SYK: variants seen among roughly 807,000 people sequenced by gnomAD.
The protein encoded by SYK is tyrosine-protein kinase SYK.
Under a neutral mutation model 77.8 loss-of-function variants are expected in SYK, and 16 were observed. The ratio of observed to expected loss-of-function variants is 0.21; its 90% CI spans 0.14 to 0.31. The LOEUF is 0.31. Among genes scored for constraint, SYK ranks in the 10% least tolerant of loss-of-function variants. The pLI is 1.00. For synonymous variants in SYK, 312 were observed against 308.7 expected, an observed-to-expected ratio of 1.01 and a Z score of -0.11; for missense variants, 529 against 814.4, an observed-to-expected ratio of 0.65 and a Z score of 4.26.
In SYK at chr9:90,859,579, A is replaced by G. The variant is rs560479567; in HGVS notation, c.579-2627A>G. On this transcript the variant is annotated intron_variant, in intron 3 of 13. Coordinates refer to ENST00000375754, the MANE Select transcript of SYK (RefSeq NM_003177.7). ...GCTGCTATAAGTAGCCTTGGGGTGC[A>G]TAGTGCACACATTTCATACACCTAG... Among the ~76,000 whole-genome samples the G allele has an allele frequency of 1.8e-4, 27 of 152,370 alleles. 1 individual carries two copies. The highest frequency in any genetic ancestry group is 6.0e-4 in the African/African-American group (25 of 41,594).
chr9:90,812,786 A>T (rs62559061), intron 1 of SYK, among the ~76,000 whole-genome samples: 109,062 of 141,554 alleles, frequency 0.77, 40,999 homozygotes, highest in East Asian at 0.96. Context: ...TGTGAGAGAG[A>T]GAGATTGAGA....
intron 1 of SYK, among the ~76,000 whole-genome samples, chr9:90,812,739 A>ATATGAGTGTGTGTG (rs1554704328): frequency 2.1e-5 from 2 of 94,086 alleles, no homozygotes; most frequent in African/African-American, 1.0e-4. Flanking sequence ...TCCCCATTTG[A>ATATGAGTGTGTGTG]TATGTGTGTG....
intron 3 of SYK, among the ~76,000 whole-genome samples, chr9:90,856,572 T>A (rs999874118): frequency 3.3e-5 from 5 of 150,266 alleles, no homozygotes; most frequent in Admixed American, 6.7e-5. Context: ...TTACATTTTT[T>A]AGAAAATTTC....
chr9:90,876,278 A>G (rs1394097360), intron 9 of SYK, among the ~76,000 whole-genome samples: 1 of 145,812 alleles, frequency 6.9e-6, no homozygotes, highest in Non-Finnish European at 1.5e-5. Flanking sequence ...CAAGAGTGAA[A>G]CTCTGCCTCA....
chr9:90,856,004 G>A (rs1198226285), intron 3 of SYK, among the ~76,000 whole-genome samples: 1 of 152,186 alleles, frequency 6.6e-6, no homozygotes, highest in Non-Finnish European at 1.5e-5. Context: ...CCTGCAAAAT[G>A]CCCAAATACT....
chr9:90,844,592 G>A (rs1391134703), intron 2 of SYK, among the ~76,000 whole-genome samples: 2 of 152,252 alleles, frequency 1.3e-5, no homozygotes, highest in East Asian at 1.9e-4. Context: ...GGCCTTTTCA[G>A]AGAGGCATTG....
chr9:90,830,221 G>A (rs1825829727), intron 1 of SYK, among the ~76,000 whole-genome samples: 1 of 152,240 alleles, frequency 6.6e-6, no homozygotes, highest in Non-Finnish European at 1.5e-5. Flanking sequence ...CAGGCACCCT[G>A]TGCAGTGTGA....
At chr9:90,867,246 A>G (rs1827535676) in intron 7 of SYK, 47 bp downstream of exon 7, 7 of 1,589,694 alleles carry the variant, frequency 4.4e-6, no homozygotes, top group Non-Finnish European at 6.0e-6. Flanking sequence ...GGTAGGACCA[A>G]CGCGCACTCA....
At chr9:90,847,918 G>A (rs72729045) in intron 3 of SYK, among the ~76,000 whole-genome samples, 3,802 of 152,320 alleles carry the variant, frequency 0.025, 164 homozygotes, top group East Asian at 0.22. Flanking sequence ...TTTTAACAGA[G>A]AAAGTGTGAG....
At chr9:90,856,102 A>G (rs1342026984) in intron 3 of SYK, among the ~76,000 whole-genome samples, 1 of 152,234 alleles carries the variant, frequency 6.6e-6, no homozygotes, top group Non-Finnish European at 1.5e-5. Flanking sequence ...AATTCAGGCC[A>G]TGAGTCAGAC....
chr9:90,873,967 C>A (rs890910822), intron 7 of SYK, among the ~76,000 whole-genome samples: 2 of 152,172 alleles, frequency 1.3e-5, no homozygotes, highest in East Asian at 3.8e-4. Context: ...CCTCTGAACA[C>A]CTCACAGAGT....
chr9:90,892,528 C>T (rs981380493), intron 13 of SYK, among the ~76,000 whole-genome samples: 1 of 152,176 alleles, frequency 6.6e-6, no homozygotes, highest in Admixed American at 6.5e-5. Flanking sequence ...TGCTTCACTC[C>T]TTCCCCCTCT....
rs749691244 is a variant in SYK at position 90,874,173 on chromosome 9, A to C, written c.916-31A>C. 1.9e-6 allele frequency: 3 copies of C among 1,579,850 alleles called. No individual in the cohort carries two copies. In the East Asian group the frequency reaches 6.7e-5, roughly 35 times the overall value. On this transcript the variant is annotated intron_variant, in intron 7 of 13. Transcript: ENST00000375754. ...AACTTAACAGTTTTGTGGATGAAGAAAAACAACCTGTTGTCCTTTATGTAC... is the reference window on the plus strand; with the variant it reads ...AACTTAACAGTTTTGTGGATGAAGACAAACAACCTGTTGTCCTTTATGTAC...
intron 3 of SYK, among the ~76,000 whole-genome samples, chr9:90,849,875 C>G (rs1375558924): frequency 6.6e-6 from 1 of 152,256 alleles, no homozygotes; most frequent in African/African-American, 2.4e-5. Context: ...TATCATAAAC[C>G]GAAGGCCTGC....
In SYK at chr9:90,867,135, G is replaced by A. The variant is rs781759648; in HGVS notation, c.851G>A (p.Trp284Ter). ...CTTTGCCGTTGTGGTTTCTAGACTT[G>A]GTCAGCGGGTGGAATAATCTCAAGA... ...PQLPGSHPAT[W>*]SAGGIISRIK... Residue 284 changes from tryptophan (W) to a stop codon, truncating the protein, a stop_gained, in exon 7 of 14, where the codon TGG becomes TAG. Coordinates refer to ENST00000375754, the MANE Select transcript of SYK (RefSeq NM_003177.7). LOFTEE classifies it high-confidence loss of function. 6.2e-7 allele frequency: 1 copy of A among 1,613,948 alleles called. No individual in the cohort carries two copies. The highest frequency in any genetic ancestry group is 1.7e-5 in the Admixed American group (1 of 59,994).
At chr9:90,866,449 G>A (rs73506044) in intron 6 of SYK, among the ~76,000 whole-genome samples, 3,789 of 152,320 alleles carry the variant, frequency 0.025, 79 homozygotes, top group South Asian at 0.048. Context: ...GGATCAAAAT[G>A]TAATGCCTTT....
intron 3 of SYK, among the ~76,000 whole-genome samples, chr9:90,860,528 C>T (rs183413992): frequency 7.9e-5 from 12 of 152,196 alleles, no homozygotes; most frequent in East Asian, 7.7e-4. Context: ...ACACCTTGGG[C>T]GCTGGCAACT....
chr9:90,892,940 C>A (rs776353857), intron 13 of SYK, among the ~76,000 whole-genome samples: 5 of 152,194 alleles, frequency 3.3e-5, no homozygotes, highest in Non-Finnish European at 7.3e-5. Context: ...GGTGAGATGT[C>A]CCCTGGCTCC....
At chr9:90,808,451 G>A (rs1025530059) in intron 1 of SYK, among the ~76,000 whole-genome samples, 13 of 136,362 alleles carry the variant, frequency 9.5e-5, no homozygotes, top group South Asian at 4.9e-4. Flanking sequence ...GTATTTCCAC[G>A]TGTGTGTTGG....
Sources: gnomAD v4.1 joint callset for allele counts (sites outside exome capture counted in the v4.1 genomes callset) on GRCh38, gnomAD v4.1.1 for gene constraint, MANE v1.5 for transcripts, NCBI Gene and HGNC (gene_info 2026-07-23, HGNC 2026-07-21) for gene names.